The following ANLN variants were observed in gnomAD, a reference collection of about 807,000 sequenced individuals.
ANLN encodes anillin.
Under a neutral mutation model 135.1 loss-of-function variants are expected in ANLN, and 59 were observed. That is an observed-to-expected ratio of 0.44 (90% CI 0.35 to 0.54). The LOEUF is 0.54. Among genes scored for constraint, ANLN ranks in the 20% least tolerant of loss-of-function variants. The pLI, the probability that ANLN is intolerant of heterozygous loss-of-function variation, is 0.00. For missense variants in ANLN, 1,182 were observed against 1,340.0 expected, an observed-to-expected ratio of 0.88 and a Z score of 1.84; for synonymous variants, 406 against 456.4, an observed-to-expected ratio of 0.89 and a Z score of 1.41.
At position 36,424,023 on chromosome 7, in the gene ANLN, A is replaced by G. The variant is rs1787984083; in HGVS notation, c.2603+80A>G. On this transcript the variant is annotated intron_variant, in intron 15 of 23. Transcript: ENST00000265748. Reference sequence around the variant, plus strand: ...ATACAGTCTAAAGCATTCAGGTGGCATTTATAATCTTTGAAACGCCTTATG... The same window carrying G: ...ATACAGTCTAAAGCATTCAGGTGGCGTTTATAATCTTTGAAACGCCTTATG... 6 of 1,419,688 alleles carry G rather than the reference A, an allele frequency of 4.2e-6. No homozygotes were observed. The South Asian group carries it at 8.6e-5, about 20-fold the overall frequency. The allele number at this position is 1,419,688 out of a possible 1,614,324, so 87.9% of individuals were successfully genotyped here. A position where few individuals can be genotyped will look rare whatever the true frequency, so the allele number is the denominator to read the frequency against.
chr7:36,444,283 C>A (rs193137013), intron 22 of ANLN, among the ~76,000 whole-genome samples: 2,611 of 139,184 alleles, frequency 0.019, 54 homozygotes, highest in Middle Eastern at 0.029. Flanking sequence ...GAGCAAGACT[C>A]CATCTCAAAA....
intron 20 of ANLN, chr7:36,428,360 G>T: frequency 7.8e-7 from 1 of 1,283,278 alleles, no homozygotes; most frequent in Middle Eastern, 2.2e-4. Context: ...TCCAGGAAAA[G>T]GTTGCCATTA....
chr7:36,445,144 G>A (rs117488826), intron 22 of ANLN, among the ~76,000 whole-genome samples: 4,913 of 87,088 alleles, frequency 0.056, 122 homozygotes, highest in Middle Eastern at 0.12. Flanking sequence ...ATTTAGAGGC[G>A]TTTCAGATTT....
chr7:36,440,468 C>T (rs1284071813), intron 21 of ANLN, among the ~76,000 whole-genome samples: 16 of 152,142 alleles, frequency 1.1e-4, no homozygotes, highest in Admixed American at 1.0e-3. Context: ...GGAATGAGCA[C>T]AGGAGCTTGG....
chr7:36,420,463 G>A, intron 11 of ANLN, 134 bp from the exon 12 acceptor site: 1 of 1,263,084 alleles, frequency 7.9e-7, no homozygotes, highest in Non-Finnish European at 1.1e-6. Flanking sequence ...TTCACCAAAT[G>A]AGAGTTCCAT....
In ANLN at chr7:36,399,289, G is replaced by A. The variant is rs889460020; in HGVS notation, c.383G>A (p.Arg128Lys). The change falls in exon 3 of 24, where the codon AGA becomes AAA. Residue 128 changes from arginine (R) to lysine (K), a missense_variant. By Grantham distance (26) the Arg-to-Lys change is conservative (BLOSUM62 2). Around this residue, in one of 3 missense-constraint regions of ANLN, gnomAD observed 1,022 missense variants for 1,134.0 expected, o/e 0.90. Coordinates refer to ENST00000265748, the MANE Select transcript of ANLN (RefSeq NM_018685.5). ...AVPASLLGMR[R>K]GLNSRLEATA... is the part of the protein sequence containing the mutation. ...CCGGCATCACTGCTGGGCATGAGGA[G>A]AGGGCTGAACTCAAGATTGGAAGCA... The A allele has an allele frequency of 6.2e-6, 10 of 1,614,156 alleles. No individual in the cohort carries two copies. The highest frequency in any genetic ancestry group is 8.5e-6 in the Non-Finnish European group (10 of 1,180,036).
chr7:36,407,405 A>G lies in ANLN; in HGVS notation c.874-329A>G, dbSNP rs146125363. 1.9e-3 allele frequency among the ~76,000 whole-genome samples: 291 copies of G among 152,310 alleles called. 1 individual carries two copies. Among genetic ancestry groups the G allele is most frequent in the African/African-American group, 6.6e-3 (274 of 41,588 alleles). On this transcript the variant is annotated intron_variant, in intron 4 of 23. Coordinates refer to ENST00000265748, the MANE Select transcript of ANLN (RefSeq NM_018685.5). ...TAATTAAAATGTAATTTGGTCTAAT[A>G]TAGTTAAAAATTTGATAAAGGTACT...
intron 20 of ANLN, among the ~76,000 whole-genome samples, chr7:36,431,617 A>ATATAG (rs141380630): frequency 3.0e-5 from 2 of 67,382 alleles, no homozygotes; most frequent in East Asian, 7.9e-4. Context: ...ATATATATAT[A>ATATAG]ATATATATAT....
intron 11 of ANLN, 74 bp downstream of exon 11, chr7:36,420,388 G>T (rs1787826135): frequency 6.6e-6 from 10 of 1,512,502 alleles, no homozygotes; most frequent in Non-Finnish European, 9.0e-6. Context: ...GTTATAATTT[G>T]TAATTATAAT....
intron 18 of ANLN, 26 bp downstream of exon 18, chr7:36,425,766 GCTT>G: frequency 6.2e-7 from 1 of 1,605,118 alleles, no homozygotes; most frequent in Middle Eastern, 1.7e-4. Flanking sequence ...GAGAAATTGA[GCTT>G]CCTTGAGAAA....
intron 20 of ANLN, among the ~76,000 whole-genome samples, 161 bp downstream of exon 20, chr7:36,427,189 GTTT>G (rs34986676): frequency 7.8e-6 from 1 of 128,488 alleles, no homozygotes. Flanking sequence ...GTACCTAAAT[GTTT>G]TTTTTTTTTT....
intron 7 of ANLN, among the ~76,000 whole-genome samples, chr7:36,415,343 T>A (rs979405863): frequency 1.3e-5 from 2 of 152,218 alleles, no homozygotes; most frequent in Non-Finnish European, 2.9e-5. Context: ...TGGGTTGAGA[T>A]AAGTGACATA....
chr7:36,424,439 A>C (rs1562806315), intron 15 of ANLN, 106 bp from the exon 16 acceptor site: 2 of 870,562 alleles, frequency 2.3e-6, no homozygotes, highest in Non-Finnish European at 3.4e-6. Flanking sequence ...TTAAAGTCAT[A>C]GTGGATTCCT....
At chr7:36,422,543 C>A in intron 13 of ANLN, 90 bp from the exon 14 acceptor site, 4 of 1,163,278 alleles carry the variant, frequency 3.4e-6, no homozygotes, top group South Asian at 1.7e-5. Context: ...CTGTTACGTA[C>A]AGTTTCCATA....
At chr7:36,417,029 A>G (rs746222738) in intron 8 of ANLN, 51 bp from the exon 9 acceptor site, 8 of 981,454 alleles carry the variant, frequency 8.2e-6, no homozygotes, top group Non-Finnish European at 1.2e-5. Context: ...CATAATTAGA[A>G]AATTATAGGT....
Position 36,453,558 on chromosome 7 carries a change from G to A in ANLN, c.*958G>A, listed in dbSNP as rs377036089. 3 of 151,992 alleles carry A rather than the reference G, an allele frequency of 2.0e-5. No homozygotes were observed. Among genetic ancestry groups the A allele is most frequent in the South Asian group, 4.1e-4 (2 of 4,826 alleles). The allele number at this position is 151,992 out of a possible 1,614,324, so 9.4% of individuals were successfully genotyped here. A position where few individuals can be genotyped will look rare whatever the true frequency, so the allele number is the denominator to read the frequency against. ...ATTAAGTCACCTATCACCTTTAAAC[G>A]CCTTTTTTTAAAATTATAAAATATT... is the stretch of plus-strand genomic sequence containing the variant. On this transcript the variant is annotated 3_prime_UTR_variant, in exon 24 of 24. Transcript: ENST00000265748.
chr7:36,435,557 T>C (rs1001637979), intron 20 of ANLN, among the ~76,000 whole-genome samples: 9 of 152,100 alleles, frequency 5.9e-5, no homozygotes, highest in Non-Finnish European at 1.3e-4. Context: ...ATCTAATTTC[T>C]TTTGCTCAGC....
At chr7:36,438,195 T>C (rs1338177502) in intron 20 of ANLN, among the ~76,000 whole-genome samples, 1 of 152,172 alleles carries the variant, frequency 6.6e-6, no homozygotes, top group Non-Finnish European at 1.5e-5. Context: ...TCTTGGTGGG[T>C]GTGGATATCT....
intron 9 of ANLN, among the ~76,000 whole-genome samples, chr7:36,417,674 C>CTTTTTTTTTT (rs70977138): frequency 3.1e-5 from 3 of 97,254 alleles, no homozygotes; most frequent in Non-Finnish European, 6.0e-5. Flanking sequence ...CTCAAACTTC[C>CTTTTTTTTTT]TTTTTTTTTT....
Sources: allele counts gnomAD v4.1 joint callset (sites outside exome capture counted in the v4.1 genomes callset), GRCh38; gene constraint gnomAD v4.1.1; regional missense constraint gnomAD v4.1.1; transcripts MANE v1.5; gene names NCBI Gene and HGNC (gene_info 2026-07-23, HGNC 2026-07-21).